TXLNB: variants seen among roughly 807,000 people sequenced by gnomAD.
TXLNB encodes the protein taxilin beta, also known as beta-taxilin.
In TXLNB, 37 loss-of-function variants were observed where a neutral mutation model predicts 57.4. The ratio of observed to expected loss-of-function variants is 0.64; its 90% CI spans 0.50 to 0.85. The LOEUF is 0.85. Among genes scored for constraint, TXLNB ranks in the 40% least tolerant of loss-of-function variants. The pLI is 0.00. For synonymous variants in TXLNB, 302 were observed against 309.6 expected (o/e 0.98, Z 0.26); for missense variants, 848 against 825.6 (o/e 1.03, Z -0.33).
the TXLNB span, among the ~76,000 whole-genome samples, chr6:139,191,310 T>A: frequency 0.035 from 5,381 of 152,102 alleles, 108 homozygotes; most frequent in Non-Finnish European, 0.048. Flanking sequence ...CCCGGCTATT[T>A]GGGAAGGCTG....
the TXLNB span, among the ~76,000 whole-genome samples, chr6:139,203,294 C>T: frequency 2.0e-5 from 3 of 152,054 alleles, no homozygotes; most frequent in Admixed American, 6.5e-5. Context: ...CAGTTACTAG[C>T]CTTTCTCTCT....
In TXLNB at chr6:139,281,539, C is replaced by CTT. The variant is rs745650982; in HGVS notation, c.425-4620_425-4619dup. ...TCAGTAGGAGAGTGGATCTGGAGTT[C>CTT]TTTTTTTTTTTTTTTTTTTTTTTTT... On this transcript the variant is annotated intron_variant, in intron 2 of 9. Coordinates refer to ENST00000358430, the MANE Select transcript of TXLNB (RefSeq NM_153235.4). Among the ~76,000 whole-genome samples the CTT allele has an allele frequency of 1.3e-3, 77 of 57,454 alleles. 6 individuals carry two copies. The highest frequency in any genetic ancestry group is 3.0e-3 in the African/African-American group (22 of 7,368). 37.7% of individuals were successfully genotyped at this position (57,454 alleles called of 152,430 possible).
chr6:139,178,501 T>TC, the TXLNB span: 1 of 146,486 alleles, frequency 6.8e-6, no homozygotes, highest in East Asian at 1.9e-4. Context: ...GTTTATACTT[T>TC]TTTTTTTTTT....
the TXLNB span, among the ~76,000 whole-genome samples, chr6:139,212,971 T>G: frequency 4.6e-5 from 7 of 152,262 alleles, no homozygotes; most frequent in African/African-American, 1.7e-4. Context: ...GCACCCAGAT[T>G]CATAAAGCAA....
the TXLNB span, among the ~76,000 whole-genome samples, chr6:139,198,580 A>G: frequency 1.3e-5 from 2 of 152,176 alleles, no homozygotes; most frequent in Non-Finnish European, 2.9e-5. Context: ...TCTGTCTTCC[A>G]TAATCTGTGC....
chr6:139,181,005 C>A, the TXLNB span, among the ~76,000 whole-genome samples: 1 of 152,208 alleles, frequency 6.6e-6, no homozygotes, highest in Non-Finnish European at 1.5e-5. Context: ...TGTAAACTCA[C>A]TTTGCAATAA....
intron 6 of TXLNB, 95 bp downstream of exon 6, chr6:139,260,219 CAAAT>C (rs542223338): frequency 1.3e-3 from 1,790 of 1,344,794 alleles, no homozygotes; most frequent in Non-Finnish European, 1.4e-3. Context: ...GACTCTGTCT[CAAAT>C]AAATAAATAA....
At chr6:139,200,692 A>T in the TXLNB span, among the ~76,000 whole-genome samples, 1 of 152,140 alleles carries the variant, frequency 6.6e-6, no homozygotes, top group African/African-American at 2.4e-5. Flanking sequence ...GGATGTCTCC[A>T]TTAGGTTTCT....
chr6:139,219,262 TA>T, the TXLNB span, among the ~76,000 whole-genome samples: 1 of 152,298 alleles, frequency 6.6e-6, no homozygotes, highest in East Asian at 1.9e-4. Context: ...GAGGCCTACT[TA>T]ATCACTGTAC....
chr6:139,189,115 T>A, the TXLNB span, among the ~76,000 whole-genome samples: 4 of 152,208 alleles, frequency 2.6e-5, no homozygotes, highest in Admixed American at 6.5e-5. Flanking sequence ...TTCTTTGGAA[T>A]TGGGGTTTTA....
chr6:139,213,229 A>C, the TXLNB span, among the ~76,000 whole-genome samples: 1 of 152,232 alleles, frequency 6.6e-6, no homozygotes, highest in South Asian at 2.1e-4. Flanking sequence ...AGTTGGAAGT[A>C]AAACACTCCT....
At chr6:139,211,641 A>G in the TXLNB span, among the ~76,000 whole-genome samples, 2 of 152,226 alleles carry the variant, frequency 1.3e-5, no homozygotes, top group African/African-American at 2.4e-5. Flanking sequence ...AATGACTTTG[A>G]CGAGTTGAGA....
At chr6:139,171,149 C>T in the TXLNB span, among the ~76,000 whole-genome samples, 1 of 151,840 alleles carries the variant, frequency 6.6e-6, no homozygotes, top group Non-Finnish European at 1.5e-5. Context: ...TAAAAATAAG[C>T]ATTTGGGTTG....
chr6:139,223,753 T>C, the TXLNB span, among the ~76,000 whole-genome samples: 22 of 152,048 alleles, frequency 1.4e-4, no homozygotes, highest in Admixed American at 8.5e-4. Flanking sequence ...GAGATACCAT[T>C]TCACACCAGT....
chr6:139,243,753 C>T (rs1256118627), intron 9 of TXLNB, among the ~76,000 whole-genome samples: 1 of 152,086 alleles, frequency 6.6e-6, no homozygotes, highest in South Asian at 2.1e-4. Flanking sequence ...TGTGCTAATC[C>T]CAGCAGCCAT....
chr6:139,242,831 A>C lies in TXLNB; in HGVS notation c.1750T>G (p.Leu584Val). Residue 584 changes from leucine to valine, a missense_variant, in exon 10 of 10, where the codon TTG becomes GTG. Physicochemically the swap from Leu to Val is conservative, Grantham distance 32. Coordinates refer to ENST00000358430, the MANE Select transcript of TXLNB (RefSeq NM_153235.4). ...CCCTCGCATTGGGTTTCTGCTCCCA[A>C]CCCGGCAGGAGAATTACTGGCCTTG... The part of the protein sequence containing the change: ...PSKASNSPAG[L>V]GAETQCEGLP... 1.2e-6 allele frequency: 2 copies of C among 1,613,742 alleles called. No individual in the cohort carries two copies. Among genetic ancestry groups the C allele is most frequent in the South Asian group, 1.1e-5 (1 of 91,050 alleles).
At chr6:139,229,399 T>G in the TXLNB span, among the ~76,000 whole-genome samples, 1 of 152,200 alleles carries the variant, frequency 6.6e-6, no homozygotes, top group Admixed American at 6.5e-5. Context: ...CTTGGTTTAC[T>G]GCAAACTCCA....
the TXLNB span, among the ~76,000 whole-genome samples, chr6:139,192,771 C>A: frequency 2.3e-5 from 3 of 131,808 alleles, no homozygotes; most frequent in South Asian, 6.9e-4. Flanking sequence ...AGTAAAACCC[C>A]GTCTCTACTA....
At chr6:139,311,716 A>G in the TXLNB span, among the ~76,000 whole-genome samples, 1 of 152,354 alleles carries the variant, frequency 6.6e-6, no homozygotes, top group African/African-American at 2.4e-5. Context: ...TCAAGAGAAC[A>G]GGACCGCGTC....
Sources: gnomAD v4.1 joint callset for allele counts (sites outside exome capture counted in the v4.1 genomes callset) on GRCh38, gnomAD v4.1.1 for gene constraint, MANE v1.5 for transcripts, NCBI Gene and HGNC (gene_info 2026-07-23, HGNC 2026-07-21) for gene names.